Variants in CCNJL observed in about 807,000 individuals in gnomAD.
CCNJL encodes cyclin J like.
A neutral mutation model predicts 33.4 loss-of-function variants in CCNJL; 33 were observed. The observed-to-expected ratio is 0.99, with a 90% CI of 0.75 to 1.32. The LOEUF (loss-of-function observed/expected upper bound fraction) is 1.32. Ranked by LOEUF, CCNJL falls within the 40% of genes most tolerant of loss-of-function variation. The probability of loss-of-function intolerance (pLI) is 0.00; values close to 1 mark genes in which losing one functional copy is unlikely to be tolerated. For synonymous variants in CCNJL, 227 were observed against 220.9 expected, an observed-to-expected ratio of 1.03 and a Z score of -0.24; for missense variants, 512 against 499.7, an observed-to-expected ratio of 1.02 and a Z score of -0.23.
chr5:160,287,006 T>C (rs1010228821), intron 2 of CCNJL, among the ~76,000 whole-genome samples: 2 of 152,114 alleles, frequency 1.3e-5, no homozygotes, highest in African/African-American at 4.8e-5. Context: ...ACAGAGTCAC[T>C]CCCTGTACCA....
chr5:160,253,979 G>A, intron 5 of CCNJL, 181 bp from the exon 6 acceptor site: 3 of 494,690 alleles, frequency 6.1e-6, no homozygotes, highest in Non-Finnish European at 7.0e-6. Context: ...CTAGATTCAG[G>A]CCTTGGCTCT....
intron 3 of CCNJL, among the ~76,000 whole-genome samples, chr5:160,270,375 C>A (rs898844679): frequency 5.9e-5 from 9 of 151,690 alleles, no homozygotes; most frequent in African/African-American, 2.2e-4. Context: ...ACCTGGGAGG[C>A]GGAGGTTGCG....
At chr5:160,315,227 G>A (rs1206214361), upstream of CCNJL, among the ~76,000 whole-genome samples, 1 of 151,982 alleles carries the variant, frequency 6.6e-6, no homozygotes, top group Non-Finnish European at 1.5e-5. Flanking sequence ...TGTAATCCTA[G>A]CACACTGGCA....
chr5:160,259,699 T>G lies in CCNJL; in HGVS notation c.353A>C (p.Gln118Pro). 3.7e-6 allele frequency: 6 copies of G among 1,614,216 alleles called. No homozygotes were observed. Among genetic ancestry groups the G allele is most frequent in the Non-Finnish European group, 5.1e-6 (6 of 1,180,032 alleles). ...QINSTRILSSQNFTLTKKELL... is the reference protein window; with the variant it reads ...QINSTRILSSPNFTLTKKELL... ...CTCCTTCTTGGTGAGGGTGAAGTTC[T>G]GGCTGCTCAGGATCCTCGTGCTGTT... Residue 118 changes from glutamine to proline, a missense_variant, in exon 4 of 6, where the codon CAG becomes CCG. By Grantham distance (76) the Gln-to-Pro change is moderately conservative. Transcript: ENST00000257536.
intron 4 of CCNJL, 54 bp from the exon 5 acceptor site, chr5:160,255,762 A>G: frequency 6.6e-7 from 1 of 1,521,250 alleles, no homozygotes; most frequent in Non-Finnish European, 9.1e-7. Flanking sequence ...TTGGAATCCC[A>G]GGCCCACCCT....
At chr5:160,267,150 G>A (rs749623935) in intron 3 of CCNJL, among the ~76,000 whole-genome samples, 6 of 152,096 alleles carry the variant, frequency 3.9e-5, no homozygotes, top group South Asian at 2.1e-4. Context: ...GCTGCATCCC[G>A]AGGCCCAACG....
At chr5:160,328,424 G>A (rs770128509) in intron 1 of CCNJL, among the ~76,000 whole-genome samples, 9 of 152,048 alleles carry the variant, frequency 5.9e-5, no homozygotes, top group Non-Finnish European at 8.8e-5. Flanking sequence ...GGAATAACGC[G>A]GATGAAGAGA....
intron 2 of CCNJL, among the ~76,000 whole-genome samples, chr5:160,284,042 T>G (rs1021845971): frequency 2.0e-5 from 3 of 152,192 alleles, no homozygotes; most frequent in African/African-American, 7.2e-5. Flanking sequence ...TTAGGTTGCT[T>G]GACTGCACGT....
At chr5:160,262,110 G>C (rs1342610995) in intron 3 of CCNJL, among the ~76,000 whole-genome samples, 1 of 152,002 alleles carries the variant, frequency 6.6e-6, no homozygotes, top group Admixed American at 6.5e-5. Context: ...CCTGAATCTT[G>C]TGCTGAGCCA....
rs924524609 is a variant in CCNJL at position 160,252,322 on chromosome 5, T to C, written c.*1056A>G. ...CCCACTCCCCAAATACAGGTGGGACTAAGCAAATTTTCCACATTGCTATCC... is the reference window on the plus strand; with the variant it reads ...CCCACTCCCCAAATACAGGTGGGACCAAGCAAATTTTCCACATTGCTATCC... On this transcript the variant is annotated 3_prime_UTR_variant, in exon 6 of 6. Transcript: ENST00000257536. 6.6e-6 allele frequency: 1 copy of C among 152,620 alleles called. No homozygotes were observed. The highest frequency in any genetic ancestry group is 1.5e-5 in the Non-Finnish European group (1 of 68,054). 9.5% of individuals were successfully genotyped at this position (152,620 alleles called of 1,614,324 possible). A position where few individuals can be genotyped will look rare whatever the true frequency, so the allele number is the denominator to read the frequency against.
intron 3 of CCNJL, among the ~76,000 whole-genome samples, chr5:160,279,169 T>C (rs1762122198): frequency 6.6e-6 from 1 of 152,066 alleles, no homozygotes; most frequent in African/African-American, 2.4e-5. Context: ...CAGACAAAGC[T>C]ACAGGAGAAA....
intron 2 of CCNJL, among the ~76,000 whole-genome samples, chr5:160,292,985 G>C (rs1219857024): frequency 6.6e-6 from 1 of 152,194 alleles, no homozygotes; most frequent in Non-Finnish European, 1.5e-5. Context: ...TAAGTAACTT[G>C]CTTAAGATCA....
At chr5:160,254,548 A>C in intron 5 of CCNJL, 14 of 421,804 alleles carry the variant, frequency 3.3e-5, no homozygotes, top group East Asian at 1.5e-4. Context: ...AGCTTCCCAC[A>C]TCGGGGAGGG....
chr5:160,336,319 A>G lies in CCNJL; in HGVS notation n.206+3126T>C, dbSNP rs530999345. Among the ~76,000 whole-genome samples, 14 of 152,360 alleles carry G rather than the reference A, an allele frequency of 9.2e-5. No individual in the cohort carries two copies. In the East Asian group the frequency reaches 2.5e-3, roughly 27 times the overall value. On this transcript the variant is annotated intron_variant and non_coding_transcript_variant, in intron 1 of 7. Transcript: ENST00000377503. ...GTCTTGAGGTGAGAAGATCTCTAAG[A>G]GGGTCCCTAAGTCAAATAGAAGTGT...
intron 4 of CCNJL, among the ~76,000 whole-genome samples, chr5:160,257,674 G>A (rs112559559): frequency 1.3e-5 from 2 of 151,580 alleles, no homozygotes; most frequent in East Asian, 1.9e-4. Context: ...AAAAATAAGC[G>A]CAACCTTGGG....
chr5:160,278,290 G>A (rs76578834), intron 3 of CCNJL, among the ~76,000 whole-genome samples: 5 of 152,194 alleles, frequency 3.3e-5, no homozygotes, highest in South Asian at 4.1e-4. Context: ...GTGAGCCACC[G>A]CGCCCAGCCT....
chr5:160,301,440 T>C (rs895669604), intron 2 of CCNJL, among the ~76,000 whole-genome samples: 28 of 151,242 alleles, frequency 1.9e-4, no homozygotes, highest in Admixed American at 5.3e-4. Flanking sequence ...CCTATGTCTT[T>C]TTTTTTTTTT....
At position 160,250,053 on chromosome 5, in the gene CCNJL, G is replaced by A. The variant is rs1280766136; in HGVS notation, c.*3325C>T. 6.6e-6 allele frequency: 1 copy of A among 152,078 alleles called. No homozygotes were observed. Among genetic ancestry groups the A allele is most frequent in the East Asian group, 1.9e-4 (1 of 5,174 alleles). The allele number at this position is 152,078 out of a possible 1,614,324, so 9.4% of individuals were successfully genotyped here. On this transcript the variant is annotated 3_prime_UTR_variant, in exon 6 of 6. Coordinates refer to ENST00000257536, the MANE Select transcript of CCNJL (RefSeq NM_001308173.3). ...TAAGACTATCTTTGTGCTTTTTAAA[G>A]CTTTCATAGCTGTCCTCCAGCATGG...
intron 1 of CCNJL, among the ~76,000 whole-genome samples, chr5:160,335,641 G>T (rs550960208): frequency 6.6e-6 from 1 of 152,080 alleles, no homozygotes; most frequent in African/African-American, 2.4e-5. Context: ...CGTGATCATA[G>T]CTCGCTGCAG....
Sources: allele counts gnomAD v4.1 joint callset (sites outside exome capture counted in the v4.1 genomes callset), GRCh38; gene constraint gnomAD v4.1.1; transcripts MANE v1.5; gene names NCBI Gene and HGNC (gene_info 2026-07-23, HGNC 2026-07-21).